Variants in PDE3B observed in about 807,000 individuals in gnomAD.
PDE3B encodes the protein cGMP-inhibited 3',5'-cyclic phosphodiesterase 3B.
Under a neutral mutation model 116.8 loss-of-function variants are expected in PDE3B, and 66 were observed. The ratio of observed to expected loss-of-function variants is 0.56; its 90% confidence interval spans 0.46 to 0.69. The LOEUF (loss-of-function observed/expected upper bound fraction) is 0.69, where lower values mean the gene tolerates loss of function less well. Ranked by LOEUF, PDE3B falls within the 30% of genes least tolerant of loss-of-function variation. The probability of loss-of-function intolerance (pLI) is 0.00; values close to 1 mark genes in which losing one functional copy is unlikely to be tolerated. For missense variants in PDE3B, 1,384 were observed against 1,368.1 expected, an observed-to-expected ratio of 1.01 and a Z score of -0.18; for synonymous variants, 595 against 533.6, an observed-to-expected ratio of 1.12 and a Z score of -1.59.
intron 4 of PDE3B, among the ~76,000 whole-genome samples, chr11:14,802,349 A>C (rs1167896103): frequency 1.3e-5 from 2 of 152,132 alleles, no homozygotes; most frequent in Non-Finnish European, 2.9e-5. Flanking sequence ...TCTGGGCTGG[A>C]ATGCACTGTT....
chr11:14,714,343 C>A (rs1428548016), intron 1 of PDE3B, among the ~76,000 whole-genome samples: 1 of 151,812 alleles, frequency 6.6e-6, no homozygotes, highest in Non-Finnish European at 1.5e-5. Context: ...TCTTAGTGGA[C>A]CTAAGTTATG....
At chr11:14,685,600 C>T (rs1199039323) in intron 1 of PDE3B, among the ~76,000 whole-genome samples, 4 of 151,070 alleles carry the variant, frequency 2.6e-5, no homozygotes, top group East Asian at 3.9e-4. Context: ...GGATTACAGA[C>T]GTGCACCACC....
At chr11:14,734,795 T>C in intron 1 of PDE3B, among the ~76,000 whole-genome samples, 1 of 152,186 alleles carries the variant, frequency 6.6e-6, no homozygotes, top group East Asian at 1.9e-4. Flanking sequence ...TCTTTTTTTT[T>C]GTTAGACCAC....
intron 12 of PDE3B, among the ~76,000 whole-genome samples, chr11:14,844,786 G>C (rs1847556616): frequency 6.6e-6 from 1 of 152,252 alleles, no homozygotes; most frequent in African/African-American, 2.4e-5. Flanking sequence ...GCTGGGGAAA[G>C]GGCGCCCGCC....
chr11:14,774,189 A>G (rs1284747222), intron 2 of PDE3B: 1 of 152,126 alleles, frequency 6.6e-6, no homozygotes, highest in African/African-American at 2.4e-5. Flanking sequence ...CTTGAAATGT[A>G]TGCTATTTAT....
At chr11:14,741,296 G>A (rs768888414) in intron 1 of PDE3B, among the ~76,000 whole-genome samples, 10 of 152,072 alleles carry the variant, frequency 6.6e-5, no homozygotes, top group Non-Finnish European at 1.3e-4. Context: ...TGTATTGGCT[G>A]CATATATATT....
chr11:14,897,126 C>A, the PDE3B span, among the ~76,000 whole-genome samples: 2 of 152,160 alleles, frequency 1.3e-5, no homozygotes, highest in Non-Finnish European at 2.9e-5. Context: ...ATTAAATGAA[C>A]ATCCTTATCA....
At chr11:14,668,513 TC>T (rs1854257891) in intron 1 of PDE3B, among the ~76,000 whole-genome samples, 1 of 152,140 alleles carries the variant, frequency 6.6e-6, no homozygotes, top group Non-Finnish European at 1.5e-5. Flanking sequence ...AATATATTTG[TC>T]ATCAGCCTCT....
chr11:14,644,372 G>A lies in PDE3B; in HGVS notation c.297G>A (p.Glu99=). ...VLALLLGAEP[E]SWAAGAAWLR... is the part of the protein sequence containing the mutation. ...CCCTGCTGCTGGGCGCGGAACCCGA[G>A]AGCTGGGCTGCCGGGGCCGCCTGGC... Residue 99 remains glutamate, a synonymous_variant, in exon 1 of 16, where the codon GAG becomes GAA. Coordinates refer to ENST00000282096, the MANE Select transcript of PDE3B (RefSeq NM_000922.4). The A allele has an allele frequency of 6.3e-7, 1 of 1,599,058 alleles. No homozygotes were observed. Among genetic ancestry groups the A allele is most frequent in the Non-Finnish European group, 8.5e-7 (1 of 1,174,376 alleles).
At chr11:14,664,967 A>G (rs1854080920) in intron 1 of PDE3B, among the ~76,000 whole-genome samples, 1 of 152,250 alleles carries the variant, frequency 6.6e-6, no homozygotes, top group African/African-American at 2.4e-5. Context: ...ACAACAAAAA[A>G]AGAGAATTTT....
chr11:14,718,521 G>A lies in PDE3B; in HGVS notation c.979-53416G>A, dbSNP rs1210888395. Among the ~76,000 whole-genome samples the A allele has an allele frequency of 1.3e-4, 20 of 149,084 alleles. 1 individual carries two copies. Among genetic ancestry groups the A allele is most frequent in the Middle Eastern group, 3.5e-3 (1 of 288 alleles). ...TCCAAAATTGACCACATAGTTGGAA[G>A]TAAAGCTCTCCTCAGCAAATGTAAA... is the stretch of plus-strand genomic sequence containing the variant. On this transcript the variant is annotated intron_variant, in intron 1 of 15. Transcript: ENST00000282096.
At chr11:14,725,060 C>G (rs1328973884) in intron 1 of PDE3B, among the ~76,000 whole-genome samples, 2 of 152,092 alleles carry the variant, frequency 1.3e-5, no homozygotes, top group African/African-American at 4.8e-5. Context: ...GATTATGTGA[C>G]TGAGGAAGGG....
intron 5 of PDE3B, among the ~76,000 whole-genome samples, chr11:14,816,095 G>T (rs1859322665): frequency 6.6e-6 from 1 of 152,114 alleles, no homozygotes; most frequent in South Asian, 2.1e-4. Context: ...CAGGGTTAAT[G>T]TTGCAGTCTT....
intron 1 of PDE3B, among the ~76,000 whole-genome samples, chr11:14,662,588 A>G (rs1183824806): frequency 6.6e-6 from 1 of 152,178 alleles, no homozygotes; most frequent in Non-Finnish European, 1.5e-5. Flanking sequence ...TATAACTAGA[A>G]TAACCAATAC....
At chr11:14,675,605 A>C (rs1854510260) in intron 1 of PDE3B, among the ~76,000 whole-genome samples, 1 of 152,114 alleles carries the variant, frequency 6.6e-6, no homozygotes, top group African/African-American at 2.4e-5. Context: ...CTTTAAATAA[A>C]ATTATACAGT....
At chr11:14,850,917 C>T (rs1247854155) in intron 12 of PDE3B, among the ~76,000 whole-genome samples, 1 of 152,026 alleles carries the variant, frequency 6.6e-6, no homozygotes, top group Non-Finnish European at 1.5e-5. Flanking sequence ...CAAGCTCCGC[C>T]CCCCAGGTTC....
At chr11:14,885,209 T>C in the PDE3B span, among the ~76,000 whole-genome samples, 1 of 152,192 alleles carries the variant, frequency 6.6e-6, no homozygotes, top group African/African-American at 2.4e-5. Context: ...CATTCTATTT[T>C]AGGCTGTCTG....
the PDE3B span, chr11:14,880,816 T>C: frequency 6.5e-7 from 1 of 1,538,584 alleles, no homozygotes; most frequent in East Asian, 2.4e-5. Flanking sequence ...TCTCTGTATC[T>C]AAAAAATGAA....
At chr11:14,844,633 C>T (rs1847550872) in intron 12 of PDE3B, among the ~76,000 whole-genome samples, 1 of 152,218 alleles carries the variant, frequency 6.6e-6, no homozygotes, top group African/African-American at 2.4e-5. Flanking sequence ...ACTCCCACCC[C>T]AGTACTACGC....
Sources: gnomAD v4.1 joint callset for allele counts (sites outside exome capture counted in the v4.1 genomes callset) on GRCh38, gnomAD v4.1.1 for gene constraint, MANE v1.5 for transcripts, NCBI Gene and HGNC (gene_info 2026-07-23, HGNC 2026-07-21) for gene names.